TAAR5: variants seen among roughly 807,000 people sequenced by gnomAD.
TAAR5 encodes trace amine-associated receptor 5.
A neutral mutation model predicts 21.1 loss-of-function variants in TAAR5; 27 were observed. That is an observed-to-expected ratio of 1.28 (90% CI 0.94 to 1.76). The LOEUF is 1.76. TAAR5 is among the 40% of genes most tolerant of loss of function. The pLI is 0.00. For missense variants in TAAR5, 495 were observed against 405.6 expected (o/e 1.22, Z -1.89); for synonymous variants, 203 against 167.5 (o/e 1.21, Z -1.64).
the TAAR5 span, among the ~76,000 whole-genome samples, chr6:132,598,924 C>T: frequency 8.6e-5 from 13 of 151,026 alleles, no homozygotes; most frequent in East Asian, 1.9e-4. Context: ...ACCCATGCTC[C>T]GTCCACTTAT....
At chr6:132,609,099 T>C in the TAAR5 span, 2 of 444,258 alleles carry the variant, frequency 4.5e-6, no homozygotes, top group Non-Finnish European at 9.0e-6. Context: ...AGTGAAGCTG[T>C]TTGAAATGCG....
chr6:132,589,951 C>A (rs1776881301), upstream of TAAR5, among the ~76,000 whole-genome samples: 2 of 151,968 alleles, frequency 1.3e-5, no homozygotes, highest in South Asian at 2.1e-4. Context: ...TATGACTAGG[C>A]ACTTTAAAAC....
At chr6:132,590,049 A>G (rs1776884334), upstream of TAAR5, among the ~76,000 whole-genome samples, 1 of 152,202 alleles carries the variant, frequency 6.6e-6, no homozygotes, top group Non-Finnish European at 1.5e-5. Context: ...CATAGGTAGT[A>G]TTAAATAATA....
chr6:132,603,151 A>C, the TAAR5 span, among the ~76,000 whole-genome samples: 1 of 151,866 alleles, frequency 6.6e-6, no homozygotes, highest in African/African-American at 2.4e-5. Context: ...AAAAGTAAAA[A>C]ATTGGCCTGG....
chr6:132,596,711 A>C, the TAAR5 span, among the ~76,000 whole-genome samples: 1 of 152,150 alleles, frequency 6.6e-6, no homozygotes, highest in South Asian at 2.1e-4. Flanking sequence ...TACTTGAAAC[A>C]CCAAGCCATA....
the TAAR5 span, among the ~76,000 whole-genome samples, chr6:132,611,962 T>C: frequency 1.2e-4 from 19 of 152,296 alleles, no homozygotes; most frequent in East Asian, 3.5e-3. Context: ...TCCTGTGTCA[T>C]GTAAAATTTA....
the TAAR5 span, among the ~76,000 whole-genome samples, chr6:132,604,255 T>G: frequency 6.6e-6 from 1 of 151,220 alleles, no homozygotes; most frequent in African/African-American, 2.4e-5. Context: ...GCAATTCTCC[T>G]GCCTCAGCCT....
In TAAR5 at chr6:132,589,436, C is replaced by G; in HGVS notation, c.251G>C (p.Gly84Ala). 1 of 1,613,922 alleles carries G rather than the reference C, an allele frequency of 6.2e-7. No homozygotes were observed. The highest frequency in any genetic ancestry group is 1.7e-4 in the Middle Eastern group (1 of 6,060). The change falls in exon 1 of 1, where the codon GGT (glycine) becomes GCT (alanine). Residue 84 changes from glycine to alanine, a missense_variant. Coordinates refer to ENST00000258034, the MANE Select transcript of TAAR5 (RefSeq NM_003967.3). ...LSLALADMFL[G>A]LLVLPLSTIR... is the part of the protein sequence containing the mutation. ...GGTGCTGAGGGGCAGCACCAGCAGA[C>G]CCAGAAACATGTCAGCCAGGGCCAG...
Position 132,588,737 on chromosome 6 carries a change from T to G in TAAR5, c.950A>C (p.Lys317Thr). ...FSYQWFRKAL[K>T]LTLSQKVFSP... ...GAAGACCTTCTGGCTCAGTGTGAGTTTCAGTGCCTTCCGAAACCACTGGTA... is the reference window on the plus strand; with the variant it reads ...GAAGACCTTCTGGCTCAGTGTGAGTGTCAGTGCCTTCCGAAACCACTGGTA... Residue 317 changes from lysine to threonine, a missense_variant, in exon 1 of 1, where the codon AAA becomes ACA. Lys to Thr is a moderately conservative substitution (Grantham distance 78). Coordinates refer to ENST00000258034, the MANE Select transcript of TAAR5 (RefSeq NM_003967.3). The G allele has an allele frequency of 1.9e-6, 3 of 1,613,988 alleles. No homozygotes were observed. The South Asian group carries it at 3.3e-5, about 18-fold the overall frequency.
the TAAR5 span, among the ~76,000 whole-genome samples, chr6:132,596,629 A>G: frequency 6.6e-6 from 1 of 152,220 alleles, no homozygotes; most frequent in African/African-American, 2.4e-5. Flanking sequence ...TGCTCTGGAT[A>G]TAGTAACTTG....
At chr6:132,609,822 T>C in the TAAR5 span, among the ~76,000 whole-genome samples, 11 of 152,232 alleles carry the variant, frequency 7.2e-5, no homozygotes, top group Non-Finnish European at 8.8e-5. Context: ...ATAAATGGCA[T>C]ATTGCTGCCG....
the TAAR5 span, among the ~76,000 whole-genome samples, chr6:132,607,169 C>T: frequency 1.4e-4 from 21 of 151,822 alleles, no homozygotes; most frequent in African/African-American, 3.4e-4. Flanking sequence ...GACTCCAGCC[C>T]GGGTGACAGA....
the TAAR5 span, among the ~76,000 whole-genome samples, chr6:132,614,358 T>C: frequency 6.6e-6 from 1 of 152,224 alleles, no homozygotes; most frequent in African/African-American, 2.4e-5. Context: ...ACCAACCTTG[T>C]CAAATGAATT....
At chr6:132,614,002 C>A in the TAAR5 span, among the ~76,000 whole-genome samples, 2 of 152,136 alleles carry the variant, frequency 1.3e-5, no homozygotes, top group East Asian at 1.9e-4. Flanking sequence ...TTTCAGTTTT[C>A]TTTGTTGGAA....
At chr6:132,602,779 C>CAAAAAAAA in the TAAR5 span, among the ~76,000 whole-genome samples, 70 of 95,886 alleles carry the variant, frequency 7.3e-4, 1 homozygote, top group African/African-American at 1.8e-3. Flanking sequence ...CTTTAGAAGT[C>CAAAAAAAA]AAAAAAAAAA....
chr6:132,596,831 G>A, the TAAR5 span, among the ~76,000 whole-genome samples: 1 of 152,012 alleles, frequency 6.6e-6, no homozygotes, highest in Admixed American at 6.6e-5. Context: ...TGGTTCCAAA[G>A]TTCTAAAAGG....
chr6:132,608,376 G>C, the TAAR5 span: 1,436 of 455,956 alleles, frequency 3.1e-3, 8 homozygotes, highest in Non-Finnish European at 4.1e-3. Context: ...TGCAAGTAGA[G>C]TTGAAGTACC....
At chr6:132,613,564 A>G in the TAAR5 span, among the ~76,000 whole-genome samples, 6 of 152,154 alleles carry the variant, frequency 3.9e-5, no homozygotes, top group African/African-American at 1.4e-4. Context: ...TTTCCTCCTC[A>G]AGTTTTAGTT....
chr6:132,609,555 C>G, the TAAR5 span, among the ~76,000 whole-genome samples: 1 of 152,172 alleles, frequency 6.6e-6, no homozygotes, highest in Non-Finnish European at 1.5e-5. Flanking sequence ...ATCCATCCAT[C>G]TATCCAACAT....
Sources: gnomAD v4.1 joint callset for allele counts (sites outside exome capture counted in the v4.1 genomes callset) on GRCh38, gnomAD v4.1.1 for gene constraint, MANE v1.5 for transcripts, NCBI Gene and HGNC (gene_info 2026-07-23, HGNC 2026-07-21) for gene names.